CMTM4: variants seen among roughly 807,000 people sequenced by gnomAD.
CMTM4 encodes the protein CKLF-like MARVEL transmembrane domain-containing protein 4.
Under a neutral mutation model 19.0 loss-of-function variants are expected in CMTM4, and 8 were observed. The observed-to-expected ratio is 0.42, with a 90% CI of 0.25 to 0.76. CMTM4 has a LOEUF of 0.76. CMTM4 is among the 30% of genes least tolerant of loss of function. The pLI, the probability that CMTM4 is intolerant of heterozygous loss-of-function variation, is 0.27. For synonymous variants in CMTM4, 106 were observed against 121.1 expected, an observed-to-expected ratio of 0.88 and a Z score of 0.82; for missense variants, 228 against 290.2, an observed-to-expected ratio of 0.79 and a Z score of 1.56.
chr16:66,623,478 C>A lies in CMTM4; in HGVS notation c.388G>T (p.Ala130Ser). ...LTDLVNTGLSAFLFFIASIVL... is the reference protein window; with the variant it reads ...LTDLVNTGLSSFLFFIASIVL... ...ATTGAAGCAATAAAGAAAAGGAAAGCGCTGAGTCCAGTGTTGACCAAATCC... is the reference window on the plus strand; with the variant it reads ...ATTGAAGCAATAAAGAAAAGGAAAGAGCTGAGTCCAGTGTTGACCAAATCC... The change falls in exon 3 of 4, where the codon GCT becomes TCT. Residue 130 changes from alanine to serine, a missense_variant. By Grantham distance (99) the Ala-to-Ser change is moderately conservative (BLOSUM62 1). Coordinates refer to ENST00000394106, the MANE Select transcript of CMTM4 (RefSeq NM_181521.3). 6.2e-7 allele frequency: 1 copy of A among 1,613,694 alleles called. No individual in the cohort carries two copies. The highest frequency in any genetic ancestry group is 1.1e-5 in the South Asian group (1 of 91,010).
chr16:66,686,142 A>G (rs1339483320), intron 1 of CMTM4, among the ~76,000 whole-genome samples: 2 of 151,776 alleles, frequency 1.3e-5, no homozygotes, highest in Non-Finnish European at 1.5e-5. Flanking sequence ...AGTCCCAGCT[A>G]CTCGGGGAGT....
Position 66,620,864 on chromosome 16 carries a change from A to G in CMTM4, c.*1194T>C. 1 of 985,776 alleles carries G rather than the reference A, an allele frequency of 1.0e-6. No homozygotes were observed. The highest frequency in any genetic ancestry group is 1.2e-6 in the Non-Finnish European group (1 of 829,926). The allele number at this position is 985,776 out of a possible 1,614,324, so 61.1% of individuals were successfully genotyped here. A position where few individuals can be genotyped will look rare whatever the true frequency, so the allele number is the denominator to read the frequency against. On this transcript the variant is annotated 3_prime_UTR_variant, in exon 4 of 4. Coordinates refer to ENST00000394106, the MANE Select transcript of CMTM4 (RefSeq NM_181521.3). ...AAAAACTACTGCATCATGGGGACTC[A>G]CTGAACTCATTCACCACACACAATA...
intron 2 of CMTM4, among the ~76,000 whole-genome samples, 161 bp from the exon 3 acceptor site, chr16:66,623,663 GCAAAGTTAA>G (rs1190188786): frequency 1.6e-4 from 24 of 152,260 alleles, no homozygotes; most frequent in Middle Eastern, 3.4e-3. Flanking sequence ...ACAAAAGAAG[GCAAAGTTAA>G]CAGTTTATGA....
At chr16:66,693,961 G>T (rs180955924) in intron 1 of CMTM4, among the ~76,000 whole-genome samples, 22 of 152,206 alleles carry the variant, frequency 1.4e-4, no homozygotes, top group African/African-American at 4.6e-4. Context: ...GGCGGAGGTT[G>T]CAGTGAGCCA....
At chr16:66,661,925 T>G (rs1218473161) in intron 1 of CMTM4, among the ~76,000 whole-genome samples, 1 of 151,896 alleles carries the variant, frequency 6.6e-6, no homozygotes, top group African/African-American at 2.4e-5. Context: ...AGAGCAAGAC[T>G]CTGTCTCAAA....
At chr16:66,683,934 T>G (rs997649329) in intron 1 of CMTM4, among the ~76,000 whole-genome samples, 1 of 152,030 alleles carries the variant, frequency 6.6e-6, no homozygotes, top group African/African-American at 2.4e-5. Flanking sequence ...TAAGCGGGCA[T>G]TTTCAGGAAG....
At chr16:66,631,928 A>C (rs1459331267) in intron 2 of CMTM4, among the ~76,000 whole-genome samples, 4 of 152,098 alleles carry the variant, frequency 2.6e-5, no homozygotes, top group African/African-American at 9.7e-5. Context: ...AATGATCAAT[A>C]AAAAAATAAA....
intron 1 of CMTM4, among the ~76,000 whole-genome samples, chr16:66,663,982 T>C (rs1259040315): frequency 6.6e-6 from 1 of 152,176 alleles, no homozygotes; most frequent in Non-Finnish European, 1.5e-5. Context: ...CCTGTAATCC[T>C]ATCACTTTGG....
rs1398989541 is a variant in CMTM4 at position 66,614,927 on chromosome 16, T to C, written c.*7131A>G. The stretch of plus-strand genomic sequence containing the variant: ...GGTCCTTCAAATGAAAGGGGGAAAA[T>C]TGAGGGCAATGTGAGGCTTTGCCTG... On this transcript the variant is annotated 3_prime_UTR_variant, in exon 4 of 4. Coordinates refer to ENST00000394106, the MANE Select transcript of CMTM4 (RefSeq NM_181521.3). This position sits in a 1 kb window ranked among gnomAD's most constrained non-coding sequence, Gnocchi z 4.9. The C allele has an allele frequency of 6.6e-6, 1 of 152,116 alleles. No individual in the cohort carries two copies. The highest frequency in any genetic ancestry group is 1.5e-5 in the Non-Finnish European group (1 of 68,020). 9.4% of individuals were successfully genotyped at this position (152,116 alleles called of 1,614,324 possible).
At chr16:66,611,613 A>G (rs2015380016), downstream of CMTM4, among the ~76,000 whole-genome samples, 1 of 152,014 alleles carries the variant, frequency 6.6e-6, no homozygotes, top group African/African-American at 2.4e-5. Flanking sequence ...TGGGGTTCTG[A>G]GAGACAGAGG....
intron 1 of CMTM4, among the ~76,000 whole-genome samples, chr16:66,683,203 A>ATATG (rs1454329957): frequency 1.5e-5 from 2 of 133,744 alleles, no homozygotes; most frequent in Non-Finnish European, 3.1e-5. Flanking sequence ...ACATATATAT[A>ATATG]TATATATAAA....
intron 1 of CMTM4, among the ~76,000 whole-genome samples, chr16:66,651,048 T>G (rs1388946937): frequency 6.6e-6 from 1 of 152,160 alleles, no homozygotes; most frequent in Non-Finnish European, 1.5e-5. Flanking sequence ...GGGCTTGTAT[T>G]TAACCACAGA....
At position 66,619,661 on chromosome 16, in the gene CMTM4, G is replaced by A. The variant is rs1596898585; in HGVS notation, c.*2397C>T. ...TAACCCTATTCCCTCCAGAACTTTCGTCACCACGTGGTCTATACATGATGA... is the reference window on the plus strand; with the variant it reads ...TAACCCTATTCCCTCCAGAACTTTCATCACCACGTGGTCTATACATGATGA... On this transcript the variant is annotated 3_prime_UTR_variant, in exon 4 of 4. Transcript: ENST00000394106. The A allele has an allele frequency of 1.3e-5, 13 of 985,288 alleles. No individual in the cohort carries two copies. The highest frequency in any genetic ancestry group is 1.6e-5 in the Non-Finnish European group (13 of 829,922). 61.0% of individuals were successfully genotyped at this position (985,288 alleles called of 1,614,324 possible).
intron 1 of CMTM4, among the ~76,000 whole-genome samples, chr16:66,673,884 C>A: frequency 6.6e-6 from 1 of 152,208 alleles, no homozygotes; most frequent in East Asian, 1.9e-4. Context: ...GGTGGCCAGT[C>A]CTTGGTTATC....
rs1164338851 is a variant in CMTM4, at chr16:66,669,453, T to C, written c.186+26887A>G. Among the ~76,000 whole-genome samples the C allele has an allele frequency of 2.7e-5, 4 of 150,018 alleles. 1 individual carries two copies. In the South Asian group the frequency reaches 6.3e-4, roughly 24 times the overall value. On this transcript the variant is annotated intron_variant, in intron 1 of 3. Coordinates refer to ENST00000394106, the MANE Select transcript of CMTM4 (RefSeq NM_181521.3). ...TACTGTACACCAAAAAAAGTCAATTTACTACATGTTAATTAAAAAAAAAAA... is the reference window on the plus strand; with the variant it reads ...TACTGTACACCAAAAAAAGTCAATTCACTACATGTTAATTAAAAAAAAAAA...
intron 1 of CMTM4, among the ~76,000 whole-genome samples, chr16:66,651,648 T>C (rs2016313195): frequency 6.6e-6 from 1 of 152,210 alleles, no homozygotes; most frequent in African/African-American, 2.4e-5. Context: ...CCATGTATGA[T>C]TTCTCTTCAA....
rs1020876884 is a variant in CMTM4 at position 66,620,265 on chromosome 16, C to T, written c.*1793G>A. The T allele has an allele frequency of 2.0e-6, 2 of 985,292 alleles. No homozygotes were observed. The highest frequency in any genetic ancestry group is 3.5e-5 in the African/African-American group (2 of 57,236). 61.0% of individuals were successfully genotyped at this position (985,292 alleles called of 1,614,324 possible). ...AAGCCCAATTTTGACTTTGCAAACACACTCAACAGACCTGACAGGCAGCAC... is the reference window on the plus strand; with the variant it reads ...AAGCCCAATTTTGACTTTGCAAACATACTCAACAGACCTGACAGGCAGCAC... On this transcript the variant is annotated 3_prime_UTR_variant, in exon 4 of 4. Coordinates refer to ENST00000394106, the MANE Select transcript of CMTM4 (RefSeq NM_181521.3).
chr16:66,638,792 G>A (rs1032763152), intron 1 of CMTM4, among the ~76,000 whole-genome samples: 16 of 152,142 alleles, frequency 1.1e-4, no homozygotes, highest in South Asian at 2.1e-4. Context: ...CCCGGGAGGC[G>A]GAGGTTGCAG....
At chr16:66,604,981 C>T in the CMTM4 span, 7 of 1,453,858 alleles carry the variant, frequency 4.8e-6, no homozygotes, top group East Asian at 8.9e-5. Context: ...TCGGCCGCCC[C>T]GCTAGGACTG....
Sources: gnomAD v4.1 joint callset for allele counts (sites outside exome capture counted in the v4.1 genomes callset) on GRCh38, gnomAD v4.1.1 for gene constraint, Gnocchi (gnomAD v3.1) non-coding constraint, MANE v1.5 for transcripts, NCBI Gene and HGNC (gene_info 2026-07-23, HGNC 2026-07-21) for gene names.